KIF2C: variants seen among roughly 807,000 people sequenced by gnomAD.
KIF2C encodes kinesin-like protein KIF2C.
A neutral mutation model predicts 97.4 loss-of-function variants in KIF2C; 34 were observed. That is an observed-to-expected ratio of 0.35 (90% CI 0.27 to 0.46). The LOEUF (loss-of-function observed/expected upper bound fraction) is 0.46, where lower values mean the gene tolerates loss of function less well. Among genes scored for constraint, KIF2C ranks in the 20% least tolerant of loss-of-function variants. KIF2C has a pLI of 1.00. For synonymous variants in KIF2C, 313 were observed against 318.2 expected (o/e 0.98, Z 0.17); for missense variants, 750 against 907.6 (o/e 0.83, Z 2.23).
rs1002000172 is a variant in KIF2C, at chr1:44,743,124, G to A, written c.165+2117G>A. 3.5e-4 allele frequency among the ~76,000 whole-genome samples: 53 copies of A among 152,198 alleles called. 4 individuals are homozygous for A. Among genetic ancestry groups the A allele is most frequent in the Non-Finnish European group, 5.9e-5 (4 of 68,040 alleles). On this transcript the variant is annotated intron_variant, in intron 2 of 20. Coordinates refer to ENST00000372224, the MANE Select transcript of KIF2C (RefSeq NM_006845.4). ...GACAAAGGTCTTCATGTCTGGCACT[G>A]AGCTGGTTAGGTTTTCTTCTGTAGG...
chr1:44,759,870 A>G (rs1334267254), intron 14 of KIF2C, among the ~76,000 whole-genome samples: 1 of 152,104 alleles, frequency 6.6e-6, no homozygotes, highest in East Asian at 1.9e-4. Flanking sequence ...CTTTTCCACT[A>G]GGGCTGTAGA....
chr1:44,740,600 G>C (rs1027191204), intron 1 of KIF2C, among the ~76,000 whole-genome samples: 1 of 152,108 alleles, frequency 6.6e-6, no homozygotes, highest in African/African-American at 2.4e-5. Flanking sequence ...GGGGAATCCT[G>C]TGCTCAAACA....
chr1:44,764,728 C>T (rs554535091), intron 19 of KIF2C, among the ~76,000 whole-genome samples: 6 of 150,354 alleles, frequency 4.0e-5, no homozygotes, highest in South Asian at 2.1e-4. Context: ...AGGCTGGTCT[C>T]GAACTCCCTA....
intron 5 of KIF2C, among the ~76,000 whole-genome samples, chr1:44,752,049 T>C (rs1649552844): frequency 6.6e-6 from 1 of 151,310 alleles, no homozygotes; most frequent in South Asian, 2.1e-4. Flanking sequence ...CTCAAACTCC[T>C]GACCTCGTGA....
chr1:44,750,806 T>A (rs1649471012), intron 5 of KIF2C, among the ~76,000 whole-genome samples: 1 of 152,218 alleles, frequency 6.6e-6, no homozygotes, highest in Non-Finnish European at 1.5e-5. Context: ...GTTCTGTGAA[T>A]TTTTGTAAAC....
rs1027053817 is a variant in KIF2C, at chr1:44,746,688, C to T, written c.166-696C>T. The T allele has an allele frequency of 1.7e-5, 27 of 1,595,146 alleles. No individual in the cohort carries two copies. The Middle Eastern group carries it at 6.6e-4, about 39-fold the overall frequency. On this transcript the variant is annotated intron_variant, in intron 2 of 20. Coordinates refer to ENST00000372224, the MANE Select transcript of KIF2C (RefSeq NM_006845.4). ...GACTGTTTGCCTGCCTGTCTGCCCT[C>T]CTCTTCACCTCATTCTCATCACTGA... is the stretch of plus-strand genomic sequence containing the variant.
chr1:44,758,221 C>A, intron 13 of KIF2C, 81 bp downstream of exon 13: 3 of 1,242,368 alleles, frequency 2.4e-6, no homozygotes, highest in Non-Finnish European at 2.3e-6. Flanking sequence ...AAGTTGAGGC[C>A]AAAAACCTAT....
At chr1:44,765,528 T>C (rs1258011668) in intron 19 of KIF2C, among the ~76,000 whole-genome samples, 1 of 152,088 alleles carries the variant, frequency 6.6e-6, no homozygotes, top group African/African-American at 2.4e-5. Flanking sequence ...TGGTGACAAG[T>C]ACGGTGAAAG....
chr1:44,758,180 C>T (rs202083147), intron 13 of KIF2C, 40 bp downstream of exon 13: 134 of 1,575,366 alleles, frequency 8.5e-5, no homozygotes, highest in Non-Finnish European at 1.1e-4. Context: ...TGTTGGGGCC[C>T]AGCACTTTTT....
In KIF2C at chr1:44,746,730, G is replaced by T. The variant is rs567667940; in HGVS notation, c.166-654G>T. On this transcript the variant is annotated intron_variant, in intron 2 of 20. Coordinates refer to ENST00000372224, the MANE Select transcript of KIF2C (RefSeq NM_006845.4). ...CATCACTGACGTCTACCATTGGCTT[G>T]GAAATCAGAAACCCATATCCATCTA... 209 of 1,609,728 alleles carry T rather than the reference G, an allele frequency of 1.3e-4. 1 individual carries two copies. The highest frequency in any genetic ancestry group is 1.6e-4 in the Non-Finnish European group (194 of 1,178,674).
Position 44,753,226 on chromosome 1 carries a change from C to T in KIF2C, c.534C>T (p.Gly178=), listed in dbSNP as rs776995893. 5 of 1,613,724 alleles carry T rather than the reference C, an allele frequency of 3.1e-6. No homozygotes were observed. The highest frequency in any genetic ancestry group is 4.2e-6 in the Non-Finnish European group (5 of 1,179,742). ...EMEEQVHSIR[G]SSSANPVNSV... ...AAGAGCAAGTCCATTCCATCCGAGG[C>T]AGCTCTTCTGCAAACCCTGTGAACT... Residue 178 remains glycine, a synonymous_variant, in exon 6 of 21, where the codon GGC becomes GGT. Coordinates refer to ENST00000372224, the MANE Select transcript of KIF2C (RefSeq NM_006845.4).
Position 44,756,219 on chromosome 1 carries a change from C to T in KIF2C, c.959C>T (p.Ser320Leu), listed in dbSNP as rs771808247. The change falls in exon 10 of 21, where the codon TCG (serine) becomes TTG (leucine). Residue 320 changes from serine to leucine, a missense_variant. Physicochemically the swap from Ser to Leu is moderately radical, Grantham distance 145 (BLOSUM62 -2). Transcript: ENST00000372224. ...CFDFAFDETA[S>L]NEVVYRFTAR... The stretch of plus-strand genomic sequence containing the variant: ...GACTTTGCATTTGATGAAACAGCTT[C>T]GAATGAAGTTGTCTACAGGTTAGTC... The T allele has an allele frequency of 9.9e-6, 16 of 1,614,226 alleles. No individual in the cohort carries two copies. Among genetic ancestry groups the T allele is most frequent in the Admixed American group, 3.3e-5 (2 of 60,014 alleles).
rs375420737 is a variant in KIF2C at position 44,760,534 on chromosome 1, T to G, written c.1572+50T>G. 12 of 1,611,140 alleles carry G rather than the reference T, an allele frequency of 7.4e-6. No individual in the cohort carries two copies. The highest frequency in any genetic ancestry group is 2.7e-5 in the African/African-American group (2 of 74,784). ...GGCCGGGAGAGCTACTGGGAAGGGA[T>G]GGGGAGGGATCAGTGCAAGGAAAGA... On this transcript the variant is annotated intron_variant, in intron 15 of 20. Coordinates refer to ENST00000372224, the MANE Select transcript of KIF2C (RefSeq NM_006845.4). The surrounding 1 kb of genome is among the most constrained non-coding windows in gnomAD (Gnocchi z 4.2).
intron 19 of KIF2C, among the ~76,000 whole-genome samples, chr1:44,763,932 C>T (rs1650304306): frequency 1.3e-5 from 2 of 151,826 alleles, no homozygotes; most frequent in South Asian, 4.1e-4. Flanking sequence ...ACTTGGGAGG[C>T]TGAGGCAGGA....
intron 2 of KIF2C, among the ~76,000 whole-genome samples, chr1:44,744,149 G>C (rs1037268858): frequency 1.3e-5 from 2 of 151,876 alleles, no homozygotes; most frequent in Non-Finnish European, 2.9e-5. Context: ...GAGTGCAGTG[G>C]CACGATCTCC....
chr1:44,741,764 A>G (rs1648946598), intron 2 of KIF2C, among the ~76,000 whole-genome samples: 1 of 151,948 alleles, frequency 6.6e-6, no homozygotes, highest in Non-Finnish European at 1.5e-5. Context: ...CGAGGTGGGC[A>G]GATCGCTTTG....
At chr1:44,745,747 G>C (rs1250879981) in intron 2 of KIF2C, among the ~76,000 whole-genome samples, 3 of 151,960 alleles carry the variant, frequency 2.0e-5, no homozygotes, top group African/African-American at 7.3e-5. Flanking sequence ...TGGGATTACA[G>C]ACGTGAGCCA....
chr1:44,744,868 C>T (rs371636626), intron 2 of KIF2C, among the ~76,000 whole-genome samples: 29 of 151,636 alleles, frequency 1.9e-4, no homozygotes, highest in South Asian at 1.0e-3. Context: ...CCATTGCACT[C>T]CAGCAGCCTG....
At chr1:44,742,444 G>A (rs988479957) in intron 2 of KIF2C, among the ~76,000 whole-genome samples, 3 of 151,012 alleles carry the variant, frequency 2.0e-5, no homozygotes, top group Admixed American at 6.6e-5. Flanking sequence ...GCAGCCAGGC[G>A]CAGTGGCTCA....
Sources: gnomAD v4.1 joint callset for allele counts (sites outside exome capture counted in the v4.1 genomes callset) on GRCh38, gnomAD v4.1.1 for gene constraint, Gnocchi (gnomAD v3.1) non-coding constraint, MANE v1.5 for transcripts, NCBI Gene and HGNC (gene_info 2026-07-23, HGNC 2026-07-21) for gene names.